Variants in LAMA3 observed in about 807,000 individuals in gnomAD.
The protein encoded by LAMA3 is laminin subunit alpha 3.
LAMA3 carries 281 observed loss-of-function variants against 402.0 expected under a neutral mutation model. The observed-to-expected ratio is 0.70, with a 90% CI of 0.63 to 0.77. LAMA3 has a LOEUF of 0.77. Ranked by LOEUF, LAMA3 falls within the 30% of genes least tolerant of loss-of-function variation. The pLI is 0.00. For synonymous variants in LAMA3, 1,431 were observed against 1,558.4 expected (o/e 0.92, Z 1.93); for missense variants, 3,840 against 4,215.5 (o/e 0.91, Z 2.47).
intron 27 of LAMA3, among the ~76,000 whole-genome samples, chr18:23,840,377 C>CTTTTTTTTTTTTTTTTTTTTTTTTT (rs201657216): frequency 1.3e-5 from 1 of 79,514 alleles, no homozygotes. Context: ...AAGAACCTTT[C>CTTTTTTTTTTTTTTTTTTTTTTTTT]TTTCTTTTTT....
intron 12 of LAMA3, among the ~76,000 whole-genome samples, chr18:23,785,495 A>G (rs1008931086): frequency 1.3e-5 from 2 of 152,212 alleles, no homozygotes; most frequent in African/African-American, 2.4e-5. Flanking sequence ...TGCCTGTCTC[A>G]TAATTCATTG....
intron 59 of LAMA3, among the ~76,000 whole-genome samples, chr18:23,915,772 G>A (rs1239915030): frequency 6.6e-6 from 1 of 151,990 alleles, no homozygotes; most frequent in Admixed American, 6.6e-5. Flanking sequence ...TTGGGAGGTT[G>A]AGGTGGGCAG....
chr18:23,692,602 A>T (rs1461296758), intron 1 of LAMA3, among the ~76,000 whole-genome samples: 1 of 152,058 alleles, frequency 6.6e-6, no homozygotes. Flanking sequence ...TAGATTCAAG[A>T]CTCACTGCAA....
intron 1 of LAMA3, among the ~76,000 whole-genome samples, chr18:23,698,841 T>C (rs2060736342): frequency 6.6e-6 from 1 of 152,238 alleles, no homozygotes; most frequent in Non-Finnish European, 1.5e-5. Flanking sequence ...ACCCCTGTCC[T>C]CACTGAGCTA....
rs1388190661 is a variant in LAMA3, at chr18:23,697,707, G to A, written c.294+7730G>A. Reference sequence around the variant, plus strand: ...ATAAATATTCCAATACCCGCCCCCCGCCCCAAAAAAAAATCCCGAATCTGA... The same window carrying A: ...ATAAATATTCCAATACCCGCCCCCCACCCCAAAAAAAAATCCCGAATCTGA... On this transcript the variant is annotated intron_variant, in intron 1 of 74. Coordinates refer to ENST00000313654, the MANE Select transcript of LAMA3 (RefSeq NM_198129.4). Among the ~76,000 whole-genome samples, 16 of 116,712 alleles carry A rather than the reference G, an allele frequency of 1.4e-4. 1 individual carries two copies. The South Asian group carries it at 2.7e-3, about 20-fold the overall frequency. The allele number at this position is 116,712 out of a possible 152,430, so 76.6% of individuals were successfully genotyped here.
At chr18:23,946,734 A>T (rs538096817) in intron 70 of LAMA3, 33 of 172,442 alleles carry the variant, frequency 1.9e-4, no homozygotes, top group South Asian at 5.4e-4. Flanking sequence ...CTTCTATGGG[A>T]TCTTTTTATC....
intron 2 of LAMA3, among the ~76,000 whole-genome samples, chr18:23,744,574 GT>G (rs1420940388): frequency 1.3e-5 from 2 of 152,062 alleles, no homozygotes; most frequent in African/African-American, 4.8e-5. Context: ...GCTCATACCT[GT>G]AATCCCAGCA....
In LAMA3 at chr18:23,904,571, C is replaced by A. The variant is rs149747693; in HGVS notation, c.6492C>A (p.Ser2164Arg). The A allele has an allele frequency of 1.0e-5, 16 of 1,601,034 alleles. No individual in the cohort carries two copies. In the African/African-American group the frequency reaches 1.9e-4, roughly 19 times the overall value. Reference protein sequence around the residue: ...KQLEEIKRNASGDELVRCAVD... With the variant: ...KQLEEIKRNARGDELVRCAVD... The stretch of plus-strand genomic sequence containing the variant: ...CTTCCAGGATCAAGAGAAACGCCAG[C>A]GGGGATGAGCTGGTGCGCTGTGCTG... Residue 2164 changes from serine to arginine, a missense_variant, in exon 51 of 75, where the codon AGC becomes AGA. By Grantham distance (110) the Ser-to-Arg change is moderately radical. Coordinates refer to ENST00000313654, the MANE Select transcript of LAMA3 (RefSeq NM_198129.4).
intron 1 of LAMA3, among the ~76,000 whole-genome samples, chr18:23,696,339 C>T (rs1000527260): frequency 6.6e-6 from 1 of 152,128 alleles, no homozygotes; most frequent in Non-Finnish European, 1.5e-5. Flanking sequence ...TTCTGGGAGA[C>T]TTCATTAGGA....
chr18:23,732,416 T>C (rs1001837501), intron 2 of LAMA3, among the ~76,000 whole-genome samples: 1 of 152,100 alleles, frequency 6.6e-6, no homozygotes, highest in African/African-American at 2.4e-5. Context: ...GACTCAAAGA[T>C]TGGGGTAAAA....
intron 12 of LAMA3, among the ~76,000 whole-genome samples, chr18:23,794,622 A>G (rs1187546395): frequency 6.6e-6 from 1 of 152,166 alleles, no homozygotes; most frequent in Non-Finnish European, 1.5e-5. Context: ...TCTCTTACCT[A>G]AGAGTGTGCT....
chr18:23,818,270 G>C (rs1190146215), intron 18 of LAMA3, among the ~76,000 whole-genome samples: 1 of 152,220 alleles, frequency 6.6e-6, no homozygotes, highest in African/African-American at 2.4e-5. Flanking sequence ...CAACTATGTA[G>C]GTGATTGACT....
rs756403640 is a variant in LAMA3, at chr18:23,899,496, T to C, written c.6004+41T>C. 90 of 1,602,426 alleles carry C rather than the reference T, an allele frequency of 5.6e-5. No individual in the cohort carries two copies. In the Admixed American group the frequency reaches 1.5e-3, roughly 27 times the overall value. Reference sequence around the variant, plus strand: ...AATTCTTGCATCCAGTCCATTCTAATTGATTTGAAACACAACGTGCAGAGT... The same window carrying C: ...AATTCTTGCATCCAGTCCATTCTAACTGATTTGAAACACAACGTGCAGAGT... On this transcript the variant is annotated intron_variant, in intron 47 of 74. Coordinates refer to ENST00000313654, the MANE Select transcript of LAMA3 (RefSeq NM_198129.4).
chr18:23,794,868 G>T (rs2062732084), intron 12 of LAMA3, among the ~76,000 whole-genome samples: 1 of 152,036 alleles, frequency 6.6e-6, no homozygotes, highest in Non-Finnish European at 1.5e-5. Flanking sequence ...TTAATATTCT[G>T]CTTATATAAA....
chr18:23,853,898 T>C (rs1461119203), intron 32 of LAMA3, among the ~76,000 whole-genome samples: 7 of 152,228 alleles, frequency 4.6e-5, no homozygotes, highest in Admixed American at 3.9e-4. Context: ...CCTATTGTCA[T>C]GGCACCACCA....
intron 1 of LAMA3, among the ~76,000 whole-genome samples, chr18:23,707,483 C>T (rs2090242217): frequency 6.6e-6 from 1 of 152,178 alleles, no homozygotes; most frequent in East Asian, 1.9e-4. Context: ...GCCTCCAGGG[C>T]AAACAGCATC....
chr18:23,714,245 C>CA (rs1363217035), intron 2 of LAMA3, among the ~76,000 whole-genome samples, 173 bp downstream of exon 2: 1 of 152,168 alleles, frequency 6.6e-6, no homozygotes, highest in Non-Finnish European at 1.5e-5. Context: ...ATAGGCCAGG[C>CA]ACAGTGGCTC....
At chr18:23,925,493 A>C (rs1256800854) in intron 62 of LAMA3, among the ~76,000 whole-genome samples, 1 of 152,160 alleles carries the variant, frequency 6.6e-6, no homozygotes. Flanking sequence ...ATGATCCAAA[A>C]AGTAGATCTA....
chr18:23,749,749 G>C (rs2061712129), intron 4 of LAMA3, among the ~76,000 whole-genome samples: 1 of 152,186 alleles, frequency 6.6e-6, no homozygotes, highest in Non-Finnish European at 1.5e-5. Context: ...GGGGATTTCA[G>C]TTATCCCCAG....
Sources: allele counts gnomAD v4.1 joint callset (sites outside exome capture counted in the v4.1 genomes callset), GRCh38; gene constraint gnomAD v4.1.1; transcripts MANE v1.5; gene names NCBI Gene and HGNC (gene_info 2026-07-23, HGNC 2026-07-21).